The following FTO variants were observed in gnomAD, a reference collection of about 807,000 sequenced individuals.
FTO encodes the protein alpha-ketoglutarate-dependent dioxygenase FTO.
FTO carries 47 observed loss-of-function variants against 63.9 expected under a neutral mutation model. That is an observed-to-expected ratio of 0.74 (90% CI 0.58 to 0.94). The LOEUF (loss-of-function observed/expected upper bound fraction) is 0.94. Among genes scored for constraint, FTO ranks in the 40% least tolerant of loss-of-function variants. FTO has a pLI of 0.00. For synonymous variants in FTO, 207 were observed against 224.4 expected, an observed-to-expected ratio of 0.92 and a Z score of 0.69; for missense variants, 562 against 618.1, an observed-to-expected ratio of 0.91 and a Z score of 0.96.
intron 8 of FTO, among the ~76,000 whole-genome samples, chr16:53,968,324 A>C (rs1305320243): frequency 6.6e-6 from 1 of 152,224 alleles, no homozygotes; most frequent in Admixed American, 6.5e-5. Flanking sequence ...CTGGGGTATC[A>C]GTAGCCAAAT....
At chr16:53,972,251 C>A (rs1374482779) in intron 8 of FTO, among the ~76,000 whole-genome samples, 2 of 151,998 alleles carry the variant, frequency 1.3e-5, no homozygotes, top group Non-Finnish European at 2.9e-5. Context: ...GAAACTAAGG[C>A]TCGGAGTATT....
intron 2 of FTO, among the ~76,000 whole-genome samples, chr16:53,825,180 G>C (rs1392806108): frequency 6.6e-6 from 1 of 152,118 alleles, no homozygotes; most frequent in Non-Finnish European, 1.5e-5. Flanking sequence ...TTGTGTTCAT[G>C]GAACTTAATG....
At chr16:54,109,071 C>T (rs1285818211) in intron 8 of FTO, among the ~76,000 whole-genome samples, 1 of 152,158 alleles carries the variant, frequency 6.6e-6, no homozygotes, top group East Asian at 1.9e-4. Flanking sequence ...GATGTCTGTC[C>T]TTTTTCATGG....
intron 7 of FTO, among the ~76,000 whole-genome samples, chr16:53,912,272 A>G (rs2081730510): frequency 6.6e-6 from 1 of 152,182 alleles, no homozygotes; most frequent in South Asian, 2.1e-4. Flanking sequence ...GTTGTGAGTC[A>G]GAAGTCCAGA....
intron 8 of FTO, among the ~76,000 whole-genome samples, chr16:53,956,430 T>C (rs2143583720): frequency 6.6e-6 from 1 of 152,212 alleles, no homozygotes; most frequent in Non-Finnish European, 1.5e-5. Flanking sequence ...TGGCAGCTAC[T>C]AAGTGATGAA....
At chr16:53,792,122 T>C (rs7187961) in intron 1 of FTO, among the ~76,000 whole-genome samples, 130,953 of 151,890 alleles carry the variant, frequency 0.86, 57,104 homozygotes, top group East Asian at 1. Flanking sequence ...AGCGTGTATA[T>C]TGACTTTCCA....
intron 8 of FTO, among the ~76,000 whole-genome samples, chr16:54,029,030 C>G (rs529571764): frequency 2.0e-5 from 3 of 152,196 alleles, no homozygotes; most frequent in Admixed American, 2.0e-4. Context: ...AATTGCTTGA[C>G]AGTATTGTCA....
At chr16:54,000,295 C>G (rs2084037365) in intron 8 of FTO, among the ~76,000 whole-genome samples, 1 of 152,046 alleles carries the variant, frequency 6.6e-6, no homozygotes, top group Non-Finnish European at 1.5e-5. Context: ...TCAACAGGCA[C>G]AGAAGTCATA....
intron 1 of FTO, among the ~76,000 whole-genome samples, chr16:53,771,203 C>T (rs1438691365): frequency 6.6e-6 from 1 of 152,104 alleles, no homozygotes; most frequent in Non-Finnish European, 1.5e-5. Context: ...AGAGAGGGAA[C>T]TAATATTTAT....
intron 1 of FTO, among the ~76,000 whole-genome samples, chr16:53,732,158 C>T (rs1189971395): frequency 6.6e-6 from 1 of 151,332 alleles, no homozygotes; most frequent in Non-Finnish European, 1.5e-5. Context: ...ATGCCATTCT[C>T]CTGCCTCAGC....
chr16:53,867,493 ATG>A (rs150516029), intron 4 of FTO, among the ~76,000 whole-genome samples: 15,233 of 139,860 alleles, frequency 0.11, 899 homozygotes, highest in East Asian at 0.32. Flanking sequence ...TACGCCACAT[ATG>A]TGTGTGTGTG....
At chr16:53,979,624 T>C (rs1332198463) in intron 8 of FTO, 4 of 388,970 alleles carry the variant, frequency 1.0e-5, no homozygotes, top group Non-Finnish European at 1.8e-5. Context: ...GTGGCGTACA[T>C]GTTAACTGTT....
At chr16:53,743,033 A>T (rs1343761982) in intron 1 of FTO, among the ~76,000 whole-genome samples, 1 of 151,996 alleles carries the variant, frequency 6.6e-6, no homozygotes, top group African/African-American at 2.4e-5. Flanking sequence ...AGAGTGTATA[A>T]CTCTATCCAT....
In FTO at chr16:54,112,472, G is replaced by A. The variant is rs1050934848; in HGVS notation, c.*557G>A. The A allele has an allele frequency of 5.8e-6, 1 of 171,894 alleles. No homozygotes were observed. Among genetic ancestry groups the A allele is most frequent in the Middle Eastern group, 3.0e-3 (1 of 338 alleles). The allele number at this position is 171,894 out of a possible 1,614,324, so 10.6% of individuals were successfully genotyped here. A position where few individuals can be genotyped will look rare whatever the true frequency, so the allele number is the denominator to read the frequency against. ...TAACAGCCTCATGTGGCTAGTGACT[G>A]CTGTATTGGACGGTACAGATATGGA... On this transcript the variant is annotated 3_prime_UTR_variant, in exon 9 of 9. Coordinates refer to ENST00000471389, the MANE Select transcript of FTO (RefSeq NM_001080432.3).
chr16:53,998,223 G>T (rs1243304361), intron 8 of FTO: 1 of 152,128 alleles, frequency 6.6e-6, no homozygotes, highest in African/African-American at 2.4e-5. Flanking sequence ...ATTTGCCAAG[G>T]GCAAAAAGCA....
At chr16:53,736,985 G>C (rs1301808264) in intron 1 of FTO, among the ~76,000 whole-genome samples, 3 of 152,006 alleles carry the variant, frequency 2.0e-5, no homozygotes, top group Non-Finnish European at 2.9e-5. Context: ...CCCTTCCATT[G>C]TGCCCATTTA....
Position 53,868,496 on chromosome 16 carries a change from T to C in FTO, c.896-5290T>C, listed in dbSNP as rs1362090390. Among the ~76,000 whole-genome samples, 4 of 152,082 alleles carry C rather than the reference T, an allele frequency of 2.6e-5. No homozygotes were observed. The East Asian group carries it at 7.7e-4, about 29-fold the overall frequency. Reference sequence around the variant, plus strand: ...AAATATTCCTAATTTTTTTCTCTCATCTCTTATACTCATTGCTATCATTAA... The same window carrying C: ...AAATATTCCTAATTTTTTTCTCTCACCTCTTATACTCATTGCTATCATTAA... On this transcript the variant is annotated intron_variant, in intron 4 of 8. Transcript: ENST00000471389.
chr16:53,905,695 A>T (rs1480910470), intron 7 of FTO, among the ~76,000 whole-genome samples: 1 of 151,974 alleles, frequency 6.6e-6, no homozygotes, highest in African/African-American at 2.4e-5. Flanking sequence ...ATTATGTTTT[A>T]TGTGTTCACC....
At chr16:53,837,899 G>A (rs2079348124) in intron 3 of FTO, among the ~76,000 whole-genome samples, 1 of 152,140 alleles carries the variant, frequency 6.6e-6, no homozygotes, top group Non-Finnish European at 1.5e-5. Flanking sequence ...GTAAGTTCTA[G>A]ATTCTTTCCT....
Sources: allele counts gnomAD v4.1 joint callset (sites outside exome capture counted in the v4.1 genomes callset), GRCh38; gene constraint gnomAD v4.1.1; transcripts MANE v1.5; gene names NCBI Gene and HGNC (gene_info 2026-07-23, HGNC 2026-07-21).